USH2A: variants seen among roughly 807,000 people sequenced by gnomAD.
USH2A encodes Usher syndrome 2A (autosomal recessive, mild).
USH2A carries 443 observed loss-of-function variants against 538.9 expected under a neutral mutation model. The observed-to-expected ratio is 0.82, with a 90% confidence interval of 0.76 to 0.89. The LOEUF is 0.89. Ranked by LOEUF, USH2A falls within the 40% of genes least tolerant of loss-of-function variation. The probability of loss-of-function intolerance (pLI) is 0.00; values close to 1 mark genes in which losing one functional copy is unlikely to be tolerated. For missense variants in USH2A, 6,633 were observed against 6,324.8 expected, an observed-to-expected ratio of 1.05 and a Z score of -1.65; for synonymous variants, 2,413 against 2,273.5, an observed-to-expected ratio of 1.06 and a Z score of -1.75.
chr1:216,175,985 C>A (rs987530520), intron 20 of USH2A, among the ~76,000 whole-genome samples: 1 of 152,172 alleles, frequency 6.6e-6, no homozygotes, highest in Non-Finnish European at 1.5e-5. Flanking sequence ...GCACTAAACC[C>A]ATAGGGCAGA....
intron 3 of USH2A, among the ~76,000 whole-genome samples, chr1:216,395,125 A>G (rs1251737615): frequency 1.3e-5 from 2 of 152,186 alleles, no homozygotes; most frequent in Admixed American, 6.5e-5. Context: ...TCAAGTCAAC[A>G]ATTTACTAAA....
rs117762680 is a variant in USH2A, at chr1:216,036,240, T to G, written c.6325+10191A>C. ...GAAATTTCTTTCCTTTCTATCAATT[T>G]TATCACATATATTAAAATTGGGAAT... On this transcript the variant is annotated intron_variant, in intron 32 of 71. Coordinates refer to ENST00000307340, the MANE Select transcript of USH2A (RefSeq NM_206933.4). Among the ~76,000 whole-genome samples, 125 of 152,208 alleles carry G rather than the reference T, an allele frequency of 8.2e-4. 1 individual carries two copies. In the East Asian group the frequency reaches 0.021, roughly 26 times the overall value.
chr1:216,184,663 G>A (rs1054801227), intron 20 of USH2A, among the ~76,000 whole-genome samples: 3 of 151,786 alleles, frequency 2.0e-5, no homozygotes. Context: ...TAAAAAGGTA[G>A]AAAAATATTT....
intron 61 of USH2A, among the ~76,000 whole-genome samples, chr1:215,723,703 A>G (rs923323645): frequency 3.3e-5 from 5 of 152,174 alleles, no homozygotes; most frequent in Non-Finnish European, 7.3e-5. Context: ...ATAAACAAAA[A>G]CTTGAAAAAT....
intron 3 of USH2A, among the ~76,000 whole-genome samples, chr1:216,372,933 A>G (rs569344735): frequency 6.6e-6 from 1 of 152,306 alleles, no homozygotes; most frequent in South Asian, 2.1e-4. Context: ...TAGCTGTAAA[A>G]TACCTTAGAA....
At position 215,741,419 on chromosome 1, in the gene USH2A, T is replaced by G; in HGVS notation, c.11667A>C (p.Pro3889=). Reference sequence around the variant, plus strand: ...TGATGATTCCATTTGGTTTTTCAGGTGGCATCCACTTAATCTCTATGCAAG... The same window carrying G: ...TGATGATTCCATTTGGTTTTTCAGGGGGCATCCACTTAATCTCTATGCAAG... ...GSACIEIKWM[P]PEKPNGIIIN... is the part of the protein sequence containing the mutation. The change falls in exon 60 of 72, where the codon CCA becomes CCC. Residue 3889 remains proline (P), a synonymous_variant. Transcript: ENST00000307340. 1.9e-6 allele frequency: 3 copies of G among 1,614,092 alleles called. No individual in the cohort carries two copies. Among genetic ancestry groups the G allele is most frequent in the Non-Finnish European group, 2.5e-6 (3 of 1,180,012 alleles).
intron 65 of USH2A, among the ~76,000 whole-genome samples, chr1:215,649,228 A>C (rs1204532671): frequency 6.6e-6 from 1 of 152,192 alleles, no homozygotes; most frequent in Non-Finnish European, 1.5e-5. Flanking sequence ...AAATCTTTTC[A>C]GATCTACATT....
chr1:215,928,716 T>C (rs1479113665), intron 38 of USH2A, among the ~76,000 whole-genome samples: 1 of 152,120 alleles, frequency 6.6e-6, no homozygotes, highest in Admixed American at 6.6e-5. Context: ...TCCAGCCTCC[T>C]TAAGCCAGGA....
chr1:215,680,311 C>T lies in USH2A; in HGVS notation c.12132G>A (p.Val4044=), dbSNP rs751639489. 18 of 1,614,050 alleles carry T rather than the reference C, an allele frequency of 1.1e-5. No homozygotes were observed. Among genetic ancestry groups the T allele is most frequent in the Non-Finnish European group, 1.5e-5 (18 of 1,179,994 alleles). Residue 4044 remains valine (V), a synonymous_variant, in exon 62 of 72, where the codon GTG becomes GTA. Transcript: ENST00000307340. The stretch of plus-strand genomic sequence containing the variant: ...AAATTTCTCCTGCATGGTTTGCAGC[C>T]ACAACACCAATGCGATATGTTGTGA... ...EPFTTYRIGV[V]AANHAGEILS... is the part of the protein sequence containing the mutation.
At chr1:215,655,191 T>A (rs1161503849) in intron 64 of USH2A, among the ~76,000 whole-genome samples, 1 of 152,218 alleles carries the variant, frequency 6.6e-6, no homozygotes, top group Non-Finnish European at 1.5e-5. Context: ...AAAGGCCTAT[T>A]CTTTATAGAG....
intron 58 of USH2A, among the ~76,000 whole-genome samples, chr1:215,753,274 C>T (rs1440126569): frequency 1.3e-5 from 2 of 152,100 alleles, no homozygotes; most frequent in Non-Finnish European, 2.9e-5. Flanking sequence ...GGATCTTGAA[C>T]TAGAAATACC....
chr1:215,839,301 A>G (rs1429770579), intron 46 of USH2A, among the ~76,000 whole-genome samples: 1 of 152,232 alleles, frequency 6.6e-6, no homozygotes, highest in Non-Finnish European at 1.5e-5. Context: ...ATAATGAGAT[A>G]ACCCAGAATC....
intron 69 of USH2A, among the ~76,000 whole-genome samples, chr1:215,635,808 C>G (rs1656463800): frequency 6.6e-6 from 1 of 152,262 alleles, no homozygotes; most frequent in South Asian, 2.1e-4. Context: ...CCTGCCTCGG[C>G]CTTCCAACAT....
chr1:216,005,994 C>T (rs1668382134), intron 32 of USH2A, among the ~76,000 whole-genome samples: 1 of 152,046 alleles, frequency 6.6e-6, no homozygotes, highest in African/African-American at 2.4e-5. Context: ...TTAACGCATG[C>T]CCCCATCACA....
chr1:215,791,184 G>A (rs1661972230), intron 50 of USH2A, among the ~76,000 whole-genome samples: 1 of 152,180 alleles, frequency 6.6e-6, no homozygotes, highest in Non-Finnish European at 1.5e-5. Flanking sequence ...GACAGATCAA[G>A]CTAGAAATCA....
At chr1:216,370,279 T>C (rs2038681195) in intron 3 of USH2A, among the ~76,000 whole-genome samples, 1 of 151,688 alleles carries the variant, frequency 6.6e-6, no homozygotes, top group Admixed American at 6.6e-5. Context: ...GATAATTACT[T>C]GAACCGGGGA....
At chr1:215,973,931 T>C (rs1448026171) in intron 35 of USH2A, among the ~76,000 whole-genome samples, 1 of 120,580 alleles carries the variant, frequency 8.3e-6, no homozygotes, top group Non-Finnish European at 1.7e-5. Flanking sequence ...AACTTTAACA[T>C]AGGTGAGATC....
chr1:215,805,066 T>C (rs959236577), intron 49 of USH2A, among the ~76,000 whole-genome samples: 3 of 151,346 alleles, frequency 2.0e-5, no homozygotes, highest in African/African-American at 7.3e-5. Flanking sequence ...TTGTCACTCA[T>C]AGGTGGGAAT....
intron 21 of USH2A, among the ~76,000 whole-genome samples, chr1:216,138,474 A>T (rs1322800700): frequency 1.3e-5 from 2 of 152,176 alleles, no homozygotes; most frequent in Non-Finnish European, 2.9e-5. Flanking sequence ...ATAAGCTTCA[A>T]TTAATTTTAT....
Sources: gnomAD v4.1 joint callset for allele counts (sites outside exome capture counted in the v4.1 genomes callset) on GRCh38, gnomAD v4.1.1 for gene constraint, MANE v1.5 for transcripts, NCBI Gene and HGNC (gene_info 2026-07-23, HGNC 2026-07-21) for gene names.